Variants in PCDH9 observed in about 807,000 individuals in gnomAD.
PCDH9 encodes protocadherin-9.
Under a neutral mutation model 70.6 loss-of-function variants are expected in PCDH9, and 24 were observed. That is an observed-to-expected ratio of 0.34 (90% CI 0.25 to 0.48). The LOEUF is 0.48. Among genes scored for constraint, PCDH9 ranks in the 20% least tolerant of loss-of-function variants. PCDH9 has a pLI of 0.99. For missense variants in PCDH9, 1,281 were observed against 1,503.6 expected (o/e 0.85, Z 2.45); for synonymous variants, 562 against 558.5 (o/e 1.01, Z -0.09).
intron 2 of PCDH9, among the ~76,000 whole-genome samples, chr13:67,075,678 T>C (rs2085864686): frequency 6.6e-6 from 1 of 152,112 alleles, no homozygotes; most frequent in Non-Finnish European, 1.5e-5. Flanking sequence ...ACCGAATACA[T>C]TCTCCACTTC....
chr13:67,224,389 G>A (rs1396345139), intron 2 of PCDH9: 1 of 152,100 alleles, frequency 6.6e-6, no homozygotes, highest in Non-Finnish European at 1.5e-5. Flanking sequence ...TTGCTACTGC[G>A]GGATTGGCAC....
intron 2 of PCDH9, among the ~76,000 whole-genome samples, chr13:67,029,258 A>C (rs952997893): frequency 6.6e-6 from 1 of 152,182 alleles, no homozygotes; most frequent in African/African-American, 2.4e-5. Context: ...TTTATATGTG[A>C]AAACTAAGAA....
At chr13:66,995,915 T>C (rs2084104662) in intron 2 of PCDH9, among the ~76,000 whole-genome samples, 1 of 152,224 alleles carries the variant, frequency 6.6e-6, no homozygotes, top group South Asian at 2.1e-4. Flanking sequence ...TGAAAAATGA[T>C]ACAGATTATT....
intron 4 of PCDH9, among the ~76,000 whole-genome samples, chr13:66,309,368 C>T (rs1955524122): frequency 6.6e-6 from 1 of 151,314 alleles, no homozygotes; most frequent in African/African-American, 2.4e-5. Flanking sequence ...CGACTGGTCT[C>T]CTAAGTCAGT....
At chr13:67,173,457 C>T (rs1411201930) in intron 2 of PCDH9, among the ~76,000 whole-genome samples, 2 of 152,062 alleles carry the variant, frequency 1.3e-5, no homozygotes, top group Non-Finnish European at 2.9e-5. Context: ...CCCTGATTCA[C>T]AATATAGAGA....
intron 4 of PCDH9, among the ~76,000 whole-genome samples, chr13:66,334,752 G>T (rs2774172): frequency 0.98 from 148,647 of 152,178 alleles, 72,700 homozygotes; most frequent in Middle Eastern, 1. Flanking sequence ...GTGGAATATT[G>T]GTGACTCAGG....
At chr13:66,622,774 A>T (rs1368256594) in intron 4 of PCDH9, among the ~76,000 whole-genome samples, 1 of 152,200 alleles carries the variant, frequency 6.6e-6, no homozygotes, top group Non-Finnish European at 1.5e-5. Context: ...CTGCCCGGGC[A>T]GGCAGTGGCA....
chr13:67,087,878 G>T (rs773887790), intron 2 of PCDH9, among the ~76,000 whole-genome samples: 17 of 152,052 alleles, frequency 1.1e-4, no homozygotes, highest in Non-Finnish European at 1.6e-4. Context: ...ATGAGAGAAT[G>T]ACTGCTTTTA....
chr13:66,543,105 T>C (rs1244111478), intron 4 of PCDH9, among the ~76,000 whole-genome samples: 2 of 152,076 alleles, frequency 1.3e-5, no homozygotes, highest in African/African-American at 2.4e-5. Flanking sequence ...CTCCATTCTA[T>C]ATTCTCATTA....
intron 3 of PCDH9, among the ~76,000 whole-genome samples, chr13:66,662,450 G>A (rs2078024345): frequency 6.6e-6 from 1 of 151,190 alleles, no homozygotes; most frequent in Admixed American, 6.6e-5. Flanking sequence ...TCCAGCCTGG[G>A]CAACAAAAGT....
chr13:67,164,304 C>G (rs1457165298), intron 2 of PCDH9, among the ~76,000 whole-genome samples: 1 of 152,030 alleles, frequency 6.6e-6, no homozygotes, highest in Non-Finnish European at 1.5e-5. Context: ...ACGCCGGGCG[C>G]GGTGGCCCAT....
chr13:67,028,339 A>G (rs1429326106), intron 2 of PCDH9, among the ~76,000 whole-genome samples: 1 of 141,628 alleles, frequency 7.1e-6, no homozygotes. Flanking sequence ...AACACCGCAT[A>G]TTCTCACTCA....
At chr13:66,863,508 A>G (rs1258203152) in intron 3 of PCDH9, among the ~76,000 whole-genome samples, 1 of 152,068 alleles carries the variant, frequency 6.6e-6, no homozygotes, top group Non-Finnish European at 1.5e-5. Flanking sequence ...TTTTTCTGAG[A>G]TGGAGTCTCA....
At chr13:67,018,717 C>CA (rs1300516520) in intron 2 of PCDH9, among the ~76,000 whole-genome samples, 1 of 150,670 alleles carries the variant, frequency 6.6e-6, no homozygotes, top group Non-Finnish European at 1.5e-5. Flanking sequence ...AAGAAACAAA[C>CA]AAAAAACTAT....
chr13:66,900,977 C>T (rs993457650), intron 3 of PCDH9, among the ~76,000 whole-genome samples: 2 of 151,448 alleles, frequency 1.3e-5, no homozygotes, highest in Non-Finnish European at 3.0e-5. Context: ...GTTATAATCA[C>T]CTTTCATTGT....
At chr13:66,447,179 T>C (rs542006644) in intron 4 of PCDH9, among the ~76,000 whole-genome samples, 2 of 152,160 alleles carry the variant, frequency 1.3e-5, no homozygotes, top group South Asian at 4.1e-4. Flanking sequence ...CTGAGCCCGA[T>C]AAAAAATGTT....
intron 2 of PCDH9, among the ~76,000 whole-genome samples, chr13:67,032,325 CT>C (rs146060145): frequency 6.6e-4 from 97 of 146,554 alleles, no homozygotes; most frequent in Middle Eastern, 3.4e-3. Flanking sequence ...ATTTTTCTGC[CT>C]TTTTTTTTTG....
chr13:66,791,504 G>GT (rs1436184102), intron 3 of PCDH9, among the ~76,000 whole-genome samples: 26 of 152,014 alleles, frequency 1.7e-4, no homozygotes, highest in Non-Finnish European at 3.8e-4. Flanking sequence ...AGTAATTGCA[G>GT]TTTTTGCCAT....
At chr13:66,317,610 T>C (rs2138078504) in intron 4 of PCDH9, among the ~76,000 whole-genome samples, 1 of 152,306 alleles carries the variant, frequency 6.6e-6, no homozygotes, top group East Asian at 1.9e-4. Context: ...AAACATTTCC[T>C]TACAGCCTAA....
Sources: gnomAD v4.1 joint callset for allele counts (sites outside exome capture counted in the v4.1 genomes callset) on GRCh38, gnomAD v4.1.1 for gene constraint, MANE v1.5 for transcripts, NCBI Gene and HGNC (gene_info 2026-07-23, HGNC 2026-07-21) for gene names.